Variants in TJP1 observed in about 807,000 individuals in gnomAD.
TJP1 encodes tight junction protein 1, also known as tight junction protein ZO-1.
TJP1 carries 43 observed loss-of-function variants against 194.2 expected under a neutral mutation model. The ratio of observed to expected loss-of-function variants is 0.22; its 90% CI spans 0.17 to 0.29. TJP1 has a LOEUF of 0.29. TJP1 is among the 10% of genes least tolerant of loss of function. The probability of loss-of-function intolerance (pLI) is 1.00; values close to 1 mark genes in which losing one functional copy is unlikely to be tolerated. For missense variants in TJP1, 1,971 were observed against 2,185.7 expected (o/e 0.90, Z 1.96); for synonymous variants, 801 against 779.0 (o/e 1.03, Z -0.47).
intron 17 of TJP1, 58 bp from the exon 18 acceptor site, chr15:29,726,537 A>T (rs1453902488): frequency 2.0e-6 from 3 of 1,496,936 alleles, no homozygotes; most frequent in Non-Finnish European, 2.8e-6. Context: ...AGTCAGAATT[A>T]ATTCAACCCT....
intron 1 of TJP1, among the ~76,000 whole-genome samples, chr15:29,811,395 T>G (rs901239287): frequency 2.5e-5 from 3 of 121,808 alleles, no homozygotes; most frequent in African/African-American, 9.5e-5. Context: ...CTTAGGAGGC[T>G]ATTACAGGAA....
intron 23 of TJP1, among the ~76,000 whole-genome samples, chr15:29,712,071 A>C (rs997700694): frequency 6.6e-6 from 1 of 152,204 alleles, no homozygotes; most frequent in Non-Finnish European, 1.5e-5. Context: ...AATTCACACA[A>C]ATCTTTTTAA....
chr15:29,946,575 C>A (rs2055290766), intron 2 of TJP1, among the ~76,000 whole-genome samples: 2 of 152,192 alleles, frequency 1.3e-5, no homozygotes, highest in Admixed American at 1.3e-4. Flanking sequence ...TGAATCTGCT[C>A]ATGAAGAAAC....
chr15:29,701,930 A>G (rs1350786110), intron 27 of TJP1, among the ~76,000 whole-genome samples: 1 of 152,196 alleles, frequency 6.6e-6, no homozygotes, highest in Non-Finnish European at 1.5e-5. Flanking sequence ...AACTCACACC[A>G]TTAAGAACAG....
intron 2 of TJP1, among the ~76,000 whole-genome samples, chr15:29,867,249 G>A (rs376002534): frequency 6.6e-6 from 1 of 152,170 alleles, no homozygotes; most frequent in Admixed American, 6.5e-5. Context: ...AATATTAGAA[G>A]TCATTTAACT....
At chr15:29,734,216 CT>C in intron 12 of TJP1, 57 bp downstream of exon 12, 1 of 1,199,266 alleles carries the variant, frequency 8.3e-7, no homozygotes, top group Non-Finnish European at 1.2e-6. Context: ...GAATAAATCC[CT>C]TTGTAAGTCC....
At chr15:29,911,221 G>A (rs2054001434) in intron 2 of TJP1, among the ~76,000 whole-genome samples, 1 of 152,174 alleles carries the variant, frequency 6.6e-6, no homozygotes, top group South Asian at 2.1e-4. Flanking sequence ...CTGGCATACA[G>A]CACACCAGAT....
At chr15:29,737,871 A>T (rs1236380501) in intron 10 of TJP1, among the ~76,000 whole-genome samples, 2 of 152,210 alleles carry the variant, frequency 1.3e-5, no homozygotes, top group Admixed American at 6.5e-5. Flanking sequence ...TAAGGCTCCA[A>T]GCATTGTGAT....
chr15:29,881,934 G>C (rs2052946645), intron 2 of TJP1, among the ~76,000 whole-genome samples: 1 of 150,860 alleles, frequency 6.6e-6, no homozygotes, highest in South Asian at 2.1e-4. Flanking sequence ...AGCTTATAAA[G>C]ATATATATAT....
intron 2 of TJP1, among the ~76,000 whole-genome samples, chr15:29,832,173 T>A (rs749977261): frequency 1.3e-5 from 2 of 152,036 alleles, no homozygotes; most frequent in African/African-American, 4.8e-5. Flanking sequence ...AGGGTAAACA[T>A]GACACAAGCA....
At chr15:29,949,535 A>ACCACCT (rs2055504486) in intron 2 of TJP1, among the ~76,000 whole-genome samples, 1 of 115,686 alleles carries the variant, frequency 8.6e-6, no homozygotes, top group Non-Finnish European at 1.8e-5. Flanking sequence ...CACCACCTCC[A>ACCACCT]CCACCACCAC....
chr15:29,761,641 A>C lies in TJP1; in HGVS notation c.822T>G (p.Leu274=), dbSNP rs17671751. 6.2e-7 allele frequency: 1 copy of C among 1,607,074 alleles called. No individual in the cohort carries two copies. The highest frequency in any genetic ancestry group is 1.1e-5 in the South Asian group (1 of 90,594). Residue 274 remains leucine, a synonymous_variant, in exon 7 of 28, where the codon CTT becomes CTG. Coordinates refer to ENST00000614355, the MANE Select transcript of TJP1 (RefSeq NM_001330239.4). The part of the protein sequence containing the change: ...ERATLLNVPD[L]SDSIHSANAS... The stretch of plus-strand genomic sequence containing the variant: ...CATTAGCAGAGTGGATGCTGTCAGA[A>C]AGATCAGGGACATTCAATAGCGTAG...
intron 1 of TJP1, among the ~76,000 whole-genome samples, chr15:29,962,414 C>T (rs1185628328): frequency 3.3e-5 from 5 of 152,158 alleles, no homozygotes; most frequent in Non-Finnish European, 7.3e-5. Context: ...AACACAGAAT[C>T]GGGCAAAAAT....
chr15:29,745,765 T>C lies in TJP1; in HGVS notation c.1011-2984A>G, dbSNP rs140768499. 5.5e-4 allele frequency among the ~76,000 whole-genome samples: 84 copies of C among 152,330 alleles called. 1 individual carries two copies. The highest frequency in any genetic ancestry group is 3.7e-4 in the Non-Finnish European group (25 of 68,032). ...CAAATACCTAGAAACAAGATGTCCA[T>C]AATACGGAAAGTTTCTTATCAAAAG... On this transcript the variant is annotated intron_variant, in intron 8 of 27. Coordinates refer to ENST00000614355, the MANE Select transcript of TJP1 (RefSeq NM_001330239.4).
chr15:29,741,519 A>C (rs901899790), intron 9 of TJP1, 83 bp from the exon 10 acceptor site: 11 of 861,616 alleles, frequency 1.3e-5, no homozygotes, highest in Non-Finnish European at 2.1e-5. Context: ...TATGATTCAT[A>C]AGTTCAGAGA....
At chr15:29,721,217 C>G (rs894732910) in intron 18 of TJP1, among the ~76,000 whole-genome samples, 6 of 152,158 alleles carry the variant, frequency 3.9e-5, no homozygotes, top group African/African-American at 1.4e-4. Context: ...TGTTCCCACC[C>G]AAATCTCATG....
chr15:29,795,872 TATC>T (rs2151847605), intron 2 of TJP1, among the ~76,000 whole-genome samples: 1 of 152,150 alleles, frequency 6.6e-6, no homozygotes, highest in South Asian at 2.1e-4. Flanking sequence ...AAATCCACCA[TATC>T]AACAGATTAA....
intron 2 of TJP1, among the ~76,000 whole-genome samples, chr15:29,776,983 C>T (rs1411804833): frequency 2.0e-5 from 3 of 152,048 alleles, no homozygotes; most frequent in African/African-American, 7.2e-5. Flanking sequence ...CCATACATTC[C>T]TTCAAGTAAA....
At chr15:29,880,614 C>T (rs1289631222) in intron 2 of TJP1, among the ~76,000 whole-genome samples, 3 of 152,180 alleles carry the variant, frequency 2.0e-5, no homozygotes, top group Admixed American at 1.3e-4. Flanking sequence ...TACCCTGCAG[C>T]CCCTGGCAAC....
Sources: gnomAD v4.1 joint callset for allele counts (sites outside exome capture counted in the v4.1 genomes callset) on GRCh38, gnomAD v4.1.1 for gene constraint, MANE v1.5 for transcripts, NCBI Gene and HGNC (gene_info 2026-07-23, HGNC 2026-07-21) for gene names.